CFTR: variants seen among roughly 807,000 people sequenced by gnomAD.
The protein encoded by CFTR is cystic fibrosis transmembrane conductance regulator.
In CFTR, 181 loss-of-function variants were observed where a neutral mutation model predicts 171.6. The observed-to-expected ratio is 1.05, with a 90% CI of 0.93 to 1.19. CFTR has a LOEUF of 1.19. Ranked by LOEUF, CFTR falls within the 50% of genes most tolerant of loss-of-function variation. CFTR has a pLI of 0.00. For missense variants in CFTR, 1,968 were observed against 1,734.7 expected (o/e 1.13, Z -2.39); for synonymous variants, 583 against 608.0 (o/e 0.96, Z 0.60).
At chr7:117,558,457 G>T (rs1799397480) in intron 10 of CFTR, among the ~76,000 whole-genome samples, 1 of 152,026 alleles carries the variant, frequency 6.6e-6, no homozygotes. Context: ...GGGAGGCTGA[G>T]GCAGGAGAAT....
intron 22 of CFTR, among the ~76,000 whole-genome samples, chr7:117,632,784 C>G (rs1792769038): frequency 6.6e-6 from 1 of 152,076 alleles, no homozygotes; most frequent in Non-Finnish European, 1.5e-5. Flanking sequence ...GCATTTGCCT[C>G]TGCACTGAGG....
intron 20 of CFTR, among the ~76,000 whole-genome samples, chr7:117,614,126 A>C (rs1018119763): frequency 1.3e-5 from 2 of 149,366 alleles, no homozygotes; most frequent in East Asian, 4.0e-4. Flanking sequence ...GCATGCAATT[A>C]GCAAAGGTCC....
At chr7:117,595,967 TGA>T (rs1792115725) in intron 15 of CFTR, among the ~76,000 whole-genome samples, 1 of 152,238 alleles carries the variant, frequency 6.6e-6, no homozygotes, top group South Asian at 2.1e-4. Context: ...GAATTCATTC[TGA>T]GAGGTGACAG....
chr7:117,614,795 A>G, intron 21 of CFTR, 82 bp downstream of exon 21: 2 of 831,836 alleles, frequency 2.4e-6, no homozygotes, highest in Non-Finnish European at 4.2e-6. Context: ...AGGAAGAACT[A>G]TATACCGTAT....
At chr7:117,616,734 T>G (rs189336885) in intron 21 of CFTR, among the ~76,000 whole-genome samples, 3 of 152,270 alleles carry the variant, frequency 2.0e-5, no homozygotes, top group Middle Eastern at 3.4e-3. Context: ...CCTATTGTGT[T>G]ATAATACAGT....
intron 14 of CFTR, among the ~76,000 whole-genome samples, chr7:117,593,558 T>C (rs1011059610): frequency 1.3e-5 from 2 of 152,182 alleles, no homozygotes; most frequent in African/African-American, 4.8e-5. Context: ...GAAGGTTTCC[T>C]AAATGATAAT....
At chr7:117,485,054 G>T (rs1398277979) in intron 1 of CFTR, among the ~76,000 whole-genome samples, 3 of 152,124 alleles carry the variant, frequency 2.0e-5, no homozygotes. Context: ...TTATGGGAGG[G>T]AGTGGAACTT....
intron 20 of CFTR, among the ~76,000 whole-genome samples, chr7:117,613,450 C>A (rs1005442635): frequency 6.6e-6 from 1 of 152,134 alleles, no homozygotes; most frequent in Admixed American, 6.6e-5. Context: ...CTAAGCCCCT[C>A]ATTTTCCTCA....
chr7:117,642,341 A>C (rs1029712236), intron 22 of CFTR, 97 bp from the exon 23 acceptor site: 68 of 1,215,396 alleles, frequency 5.6e-5, no homozygotes, highest in Non-Finnish European at 7.9e-5. Flanking sequence ...ACAGGATAAA[A>C]TATTCCAATG....
At chr7:117,588,303 A>G (rs1309396595) in intron 12 of CFTR, among the ~76,000 whole-genome samples, 1 of 152,144 alleles carries the variant, frequency 6.6e-6, no homozygotes, top group East Asian at 1.9e-4. Flanking sequence ...AATCTATAAT[A>G]TTTAAAATAA....
chr7:117,524,847 G>A (rs1798748905), intron 3 of CFTR, among the ~76,000 whole-genome samples: 1 of 152,088 alleles, frequency 6.6e-6, no homozygotes, highest in Non-Finnish European at 1.5e-5. Context: ...AGTATCAATA[G>A]GGATAAATGT....
At chr7:117,625,401 C>T (rs776140805) in intron 21 of CFTR, among the ~76,000 whole-genome samples, 3 of 152,154 alleles carry the variant, frequency 2.0e-5, no homozygotes, top group Non-Finnish European at 2.9e-5. Flanking sequence ...AATGCTCAAA[C>T]ACAAGTCCTA....
At chr7:117,547,783 C>T (rs547424780) in intron 9 of CFTR, among the ~76,000 whole-genome samples, 3 of 152,268 alleles carry the variant, frequency 2.0e-5, no homozygotes, top group African/African-American at 7.2e-5. Context: ...TAGTACTATA[C>T]TCCCTTGCAT....
rs2115938553 is a variant in CFTR, at chr7:117,559,607, T to C, written c.1536T>C (p.Tyr512=). 1 of 1,613,112 alleles carries C rather than the reference T, an allele frequency of 6.2e-7. No homozygotes were observed. The highest frequency in any genetic ancestry group is 1.7e-5 in the Admixed American group (1 of 60,016). Residue 512 remains tyrosine (Y), a synonymous_variant, in exon 11 of 27, where the codon TAT becomes TAC. Transcript: ENST00000003084. ...IKENIIFGVS[Y]DEYRYRSVIK... Reference sequence around the variant, plus strand: ...AAAATATCATCTTTGGTGTTTCCTATGATGAATATAGATACAGAAGCGTCA... The same window carrying C: ...AAAATATCATCTTTGGTGTTTCCTACGATGAATATAGATACAGAAGCGTCA...
chr7:117,594,842 C>T, intron 14 of CFTR, 88 bp from the exon 15 acceptor site: 1 of 1,192,730 alleles, frequency 8.4e-7, no homozygotes, highest in South Asian at 1.3e-5. Flanking sequence ...TAATACTATT[C>T]TTTTATTTTC....
At chr7:117,498,779 A>G (rs368402883) in intron 1 of CFTR, among the ~76,000 whole-genome samples, 3 of 151,344 alleles carry the variant, frequency 2.0e-5, no homozygotes, top group East Asian at 1.9e-4. Flanking sequence ...ATCTTTTCCA[A>G]TGAGTCCCCT....
At chr7:117,549,280 A>G (rs1799228341) in intron 10 of CFTR, among the ~76,000 whole-genome samples, 1 of 152,190 alleles carries the variant, frequency 6.6e-6, no homozygotes. Context: ...ATGATATATT[A>G]TAAGGAAAAA....
rs540776134 is a variant in CFTR, at chr7:117,594,922, T to C, written c.2491-8T>C. The C allele has an allele frequency of 1.2e-6, 2 of 1,612,696 alleles. No individual in the cohort carries two copies. The highest frequency in any genetic ancestry group is 1.1e-5 in the South Asian group (1 of 91,060). On this transcript the variant is annotated splice_region_variant and splice_polypyrimidine_tract_variant and intron_variant, in intron 14 of 26. Coordinates refer to ENST00000003084, the MANE Select transcript of CFTR (RefSeq NM_000492.4). ...TCTTATTGTAATAGCCATAATTCTT[T>C]TATTCAGGAGTGCTTTTTTGATGAT...
Position 117,610,650 on chromosome 7 carries a change from C to CA in CFTR, c.3123dup (p.Gln1042ThrfsTer5), listed in dbSNP as rs1233826446. ...ATTTCCTCCAAACCTCACAGCAACT[C>CA]AAACAACTGGAATCTGAAGGTATGA... On this transcript the variant is annotated frameshift_variant, in exon 19 of 27. Transcript: ENST00000003084. LOFTEE classifies it high-confidence loss of function. The CA allele has an allele frequency of 6.2e-7, 1 of 1,613,308 alleles. No homozygotes were observed. Among genetic ancestry groups the CA allele is most frequent in the East Asian group, 2.2e-5 (1 of 44,834 alleles).
Sources: gnomAD v4.1 joint callset for allele counts (sites outside exome capture counted in the v4.1 genomes callset) on GRCh38, gnomAD v4.1.1 for gene constraint, MANE v1.5 for transcripts, NCBI Gene and HGNC (gene_info 2026-07-23, HGNC 2026-07-21) for gene names.